PRKD1: variants seen among roughly 807,000 people sequenced by gnomAD.
The protein encoded by PRKD1 is serine/threonine-protein kinase D1.
Under a neutral mutation model 95.9 loss-of-function variants are expected in PRKD1, and 63 were observed. The ratio of observed to expected loss-of-function variants is 0.66; its 90% CI spans 0.54 to 0.81. The LOEUF (loss-of-function observed/expected upper bound fraction) is 0.81. Ranked by LOEUF, PRKD1 falls within the 30% of genes least tolerant of loss-of-function variation. The pLI is 0.00. For synonymous variants in PRKD1, 425 were observed against 423.1 expected (o/e 1.00, Z -0.05); for missense variants, 1,048 against 1,165.3 (o/e 0.90, Z 1.47).
In PRKD1 at chr14:29,759,074, C is replaced by A. The variant is rs45622442; in HGVS notation, c.265-33400G>T. Among the ~76,000 whole-genome samples the A allele has an allele frequency of 3.6e-3, 543 of 152,284 alleles. 7 individuals carry two copies. The highest frequency in any genetic ancestry group is 0.012 in the African/African-American group (485 of 41,566). On this transcript the variant is annotated intron_variant, in intron 1 of 17. Transcript: ENST00000331968. ...TCACATGTGATCATTTTGGTCTTAA[C>A]CATCATCAAAGCATTCCCTAGTCTA...
chr14:29,674,278 A>G (rs764744348), intron 2 of PRKD1, among the ~76,000 whole-genome samples: 5 of 152,180 alleles, frequency 3.3e-5, no homozygotes, highest in African/African-American at 4.8e-5. Context: ...CTACTACCTT[A>G]TAAAGCCTAT....
chr14:29,772,874 T>TA (rs1293597854), intron 1 of PRKD1, among the ~76,000 whole-genome samples: 2 of 152,228 alleles, frequency 1.3e-5, no homozygotes, highest in Non-Finnish European at 2.9e-5. Context: ...GCACAACTGA[T>TA]AACAAGACTC....
chr14:29,616,849 T>C (rs1038408736), intron 13 of PRKD1, among the ~76,000 whole-genome samples: 11 of 152,196 alleles, frequency 7.2e-5, no homozygotes, highest in African/African-American at 2.2e-4. Context: ...GTTTGTTATA[T>C]AGTTGAATTG....
chr14:29,899,517 C>T (rs939008780), intron 1 of PRKD1, among the ~76,000 whole-genome samples: 1 of 152,080 alleles, frequency 6.6e-6, no homozygotes, highest in Non-Finnish European at 1.5e-5. Context: ...CATGGTGACC[C>T]ACGCCTATAA....
At chr14:29,624,941 A>G (rs1879520015) in intron 12 of PRKD1, among the ~76,000 whole-genome samples, 1 of 152,132 alleles carries the variant, frequency 6.6e-6, no homozygotes. Context: ...CTACACTACT[A>G]TATTGTGGTA....
Position 29,854,898 on chromosome 14 carries a change from C to T in PRKD1, c.264+72351G>A, listed in dbSNP as rs565752421. Among the ~76,000 whole-genome samples, 67 of 152,304 alleles carry T rather than the reference C, an allele frequency of 4.4e-4. No homozygotes were observed. In the South Asian group the frequency reaches 0.014, roughly 31 times the overall value. On this transcript the variant is annotated intron_variant, in intron 1 of 17. Transcript: ENST00000331968. Reference sequence around the variant, plus strand: ...GGCCGTGGCTTCAGAGGGTTGAAGCCCCAAGTCTTGGCAGCTTCCACATGG... The same window carrying T: ...GGCCGTGGCTTCAGAGGGTTGAAGCTCCAAGTCTTGGCAGCTTCCACATGG...
At chr14:29,759,652 A>C (rs1201012834) in intron 1 of PRKD1, among the ~76,000 whole-genome samples, 1 of 152,220 alleles carries the variant, frequency 6.6e-6, no homozygotes, top group Non-Finnish European at 1.5e-5. Flanking sequence ...TTCTATTAAA[A>C]TGTGTAACAG....
chr14:29,878,898 T>G (rs1411127829), intron 1 of PRKD1, among the ~76,000 whole-genome samples: 1 of 152,190 alleles, frequency 6.6e-6, no homozygotes, highest in Non-Finnish European at 1.5e-5. Context: ...AAATGGTAAA[T>G]TTATACTATG....
At chr14:29,876,146 G>C (rs976606632) in intron 1 of PRKD1, among the ~76,000 whole-genome samples, 5 of 152,164 alleles carry the variant, frequency 3.3e-5, no homozygotes, top group African/African-American at 1.2e-4. Context: ...ATCTTCCAAG[G>C]CTATTCACTA....
At chr14:29,672,934 G>A (rs1364725723) in intron 2 of PRKD1, among the ~76,000 whole-genome samples, 1 of 151,904 alleles carries the variant, frequency 6.6e-6, no homozygotes, top group African/African-American at 2.4e-5. Context: ...CCAGAAGGAT[G>A]CACCGGGACA....
chr14:29,898,100 T>C (rs1894194991), intron 1 of PRKD1, among the ~76,000 whole-genome samples: 2 of 152,166 alleles, frequency 1.3e-5, no homozygotes, highest in African/African-American at 4.8e-5. Context: ...CTTGGAAGTT[T>C]TGAATTTAGA....
intron 1 of PRKD1, among the ~76,000 whole-genome samples, chr14:29,763,199 A>G (rs1039142753): frequency 6.7e-5 from 10 of 148,160 alleles, no homozygotes; most frequent in Middle Eastern, 3.4e-3. Flanking sequence ...TGGAAAGCTG[A>G]GTTGGGGGAA....
At chr14:29,709,310 C>G (rs570572166) in intron 2 of PRKD1, among the ~76,000 whole-genome samples, 3 of 152,238 alleles carry the variant, frequency 2.0e-5, no homozygotes, top group Admixed American at 1.3e-4. Context: ...ACCATACCTA[C>G]TTAATCATAC....
At chr14:29,676,063 G>GCACATGTATA (rs776971665) in intron 2 of PRKD1, among the ~76,000 whole-genome samples, 97 of 151,710 alleles carry the variant, frequency 6.4e-4, no homozygotes, top group Non-Finnish European at 1.1e-3. Flanking sequence ...CACCAACATG[G>GCACATGTATA]CATATGTAAC....
chr14:29,839,110 G>A (rs142885115), intron 1 of PRKD1, among the ~76,000 whole-genome samples: 4 of 152,120 alleles, frequency 2.6e-5, no homozygotes, highest in African/African-American at 7.2e-5. Flanking sequence ...AAAATTCCTC[G>A]TTTATGCCCT....
At chr14:29,690,337 T>C (rs1474237353) in intron 2 of PRKD1, among the ~76,000 whole-genome samples, 1 of 152,168 alleles carries the variant, frequency 6.6e-6, no homozygotes, top group Non-Finnish European at 1.5e-5. Flanking sequence ...CAATGGAATA[T>C]ATTCAACACC....
Position 29,748,950 on chromosome 14 carries a change from T to C in PRKD1, c.265-23276A>G, listed in dbSNP as rs376358963. ...GCAAAAATAAAATTATAAAATTATA[T>C]AGATTTTGGAGTTCAAATTTTATTA... On this transcript the variant is annotated intron_variant, in intron 1 of 17. Coordinates refer to ENST00000331968, the MANE Select transcript of PRKD1 (RefSeq NM_002742.3). Among the ~76,000 whole-genome samples the C allele has an allele frequency of 3.5e-4, 53 of 152,232 alleles. 2 individuals carry two copies. The South Asian group carries it at 0.011, about 32-fold the overall frequency.
At chr14:29,798,917 C>G (rs1889919643) in intron 1 of PRKD1, among the ~76,000 whole-genome samples, 2 of 152,134 alleles carry the variant, frequency 1.3e-5, no homozygotes, top group African/African-American at 4.8e-5. Flanking sequence ...AGCTGTTCTA[C>G]CCCCTCTGTC....
intron 2 of PRKD1, among the ~76,000 whole-genome samples, chr14:29,675,788 A>C (rs1462197121): frequency 6.6e-6 from 1 of 152,112 alleles, no homozygotes; most frequent in Non-Finnish European, 1.5e-5. Context: ...ACCATGGAAT[A>C]CTATGCCACC....
Sources: allele counts gnomAD v4.1 joint callset (sites outside exome capture counted in the v4.1 genomes callset), GRCh38; gene constraint gnomAD v4.1.1; transcripts MANE v1.5; gene names NCBI Gene and HGNC (gene_info 2026-07-23, HGNC 2026-07-21).